The following IHO1 variants were observed in gnomAD, a reference collection of about 807,000 sequenced individuals.
IHO1 encodes interactor of HORMAD1 protein 1.
Under a neutral mutation model 31.0 loss-of-function variants are expected in IHO1, and 13 were observed. That is an observed-to-expected ratio of 0.42 (90% CI 0.27 to 0.67). The LOEUF is 0.67. Among genes scored for constraint, IHO1 ranks in the 30% least tolerant of loss-of-function variants. The pLI, the probability that IHO1 is intolerant of heterozygous loss-of-function variation, is 0.24. For missense variants in IHO1, 599 were observed against 687.5 expected (o/e 0.87, Z 1.44); for synonymous variants, 221 against 248.4 (o/e 0.89, Z 1.04).
intron 2 of IHO1, among the ~76,000 whole-genome samples, chr3:49,220,820 A>G (rs1010974807): frequency 6.6e-6 from 1 of 152,212 alleles, no homozygotes; most frequent in Non-Finnish European, 1.5e-5. Flanking sequence ...GTGAGCTGAG[A>G]TAGCGCCACT....
At chr3:49,246,179 C>CAAAA (rs71278650) in intron 6 of IHO1, among the ~76,000 whole-genome samples, 2 of 47,770 alleles carry the variant, frequency 4.2e-5, no homozygotes, top group African/African-American at 7.2e-5. Context: ...GAGACTCCGT[C>CAAAA]AAAAAAAAAA....
rs753234943 is a variant in IHO1, at chr3:49,241,289, G to A, written c.295G>A (p.Asp99Asn). The A allele has an allele frequency of 7.4e-6, 12 of 1,613,814 alleles. No individual in the cohort carries two copies. The highest frequency in any genetic ancestry group is 1.0e-5 in the Non-Finnish European group (12 of 1,179,808). Residue 99 changes from aspartate (D) to asparagine (N), a missense_variant, in exon 4 of 8, where the codon GAT becomes AAT. Coordinates refer to ENST00000452691, the MANE Select transcript of IHO1 (RefSeq NM_001135197.2). ...KPQLFGGDIK[D>N]GGLFPPPLSV... is the part of the protein sequence containing the mutation. ...CCAGCTGTTCGGAGGAGATATAAAA[G>A]ATGGAGGTTTATTTCCTCCTCCTTT...
chr3:49,231,857 A>G (rs547126808), intron 2 of IHO1, among the ~76,000 whole-genome samples: 12 of 152,394 alleles, frequency 7.9e-5, no homozygotes, highest in Admixed American at 5.9e-4. Flanking sequence ...AGCTAAAGCT[A>G]TCATCCAGCG....
At chr3:49,213,588 G>A (rs930156227) in intron 2 of IHO1, among the ~76,000 whole-genome samples, 1 of 152,242 alleles carries the variant, frequency 6.6e-6, no homozygotes. Context: ...CGGAGCAGGG[G>A]GCAGTGCTAG....
intron 2 of IHO1, among the ~76,000 whole-genome samples, chr3:49,224,084 T>C (rs571877549): frequency 1.3e-5 from 2 of 152,326 alleles, no homozygotes; most frequent in African/African-American, 4.8e-5. Flanking sequence ...ATGAAAAGTT[T>C]GGTGGAGCGT....
chr3:49,249,720 C>T (rs1028511381), intron 6 of IHO1, among the ~76,000 whole-genome samples: 6 of 152,214 alleles, frequency 3.9e-5, no homozygotes, highest in East Asian at 1.9e-4. Flanking sequence ...GTGCTCTTCG[C>T]GTGCTCCAGG....
chr3:49,230,342 G>A (rs909488052), intron 2 of IHO1, among the ~76,000 whole-genome samples: 6 of 152,124 alleles, frequency 3.9e-5, no homozygotes, highest in African/African-American at 9.7e-5. Context: ...CTATGATTCC[G>A]AAAAACTGGC....
Position 49,250,798 on chromosome 3 carries a change from G to A in IHO1, c.533-4592G>A, listed in dbSNP as rs552979887. Among the ~76,000 whole-genome samples the A allele has an allele frequency of 3.9e-5, 6 of 152,208 alleles. No individual in the cohort carries two copies. In the South Asian group the frequency reaches 8.3e-4, roughly 21 times the overall value. ...TGTAATCCCAGCACTTTGGGAGGCC[G>A]AGGCGGGCAGATCACAAGATCAGAA... On this transcript the variant is annotated intron_variant, in intron 6 of 7. Transcript: ENST00000452691.
chr3:49,251,442 T>C (rs1449810451), intron 6 of IHO1, among the ~76,000 whole-genome samples: 23 of 130,932 alleles, frequency 1.8e-4, no homozygotes, highest in Middle Eastern at 5.6e-3. Flanking sequence ...TGCATCACCA[T>C]GCCCAGCTAA....
chr3:49,204,479 T>C (rs958046630), intron 1 of IHO1, among the ~76,000 whole-genome samples: 1 of 152,122 alleles, frequency 6.6e-6, no homozygotes. Context: ...TGATTACTAG[T>C]TATGTGAAGG....
At chr3:49,211,153 A>G (rs1575566609) in intron 1 of IHO1, among the ~76,000 whole-genome samples, 1 of 149,722 alleles carries the variant, frequency 6.7e-6, no homozygotes, top group Admixed American at 6.7e-5. Context: ...GACTACAGGC[A>G]CCCACCACCA....
chr3:49,192,492 TA>T, the IHO1 span, among the ~76,000 whole-genome samples: 1 of 152,090 alleles, frequency 6.6e-6, no homozygotes, highest in African/African-American at 2.4e-5. Flanking sequence ...CATGTGCCAG[TA>T]AAACACCCAA....
chr3:49,252,708 A>G (rs1385646744), intron 6 of IHO1, among the ~76,000 whole-genome samples: 1 of 152,112 alleles, frequency 6.6e-6, no homozygotes, highest in African/African-American at 2.4e-5. Context: ...TATAGGTGTG[A>G]GCCACTGTGC....
At chr3:49,233,301 CAT>C (rs1243341916) in intron 2 of IHO1, among the ~76,000 whole-genome samples, 3 of 152,138 alleles carry the variant, frequency 2.0e-5, no homozygotes, top group African/African-American at 7.2e-5. Flanking sequence ...AGGAGCTAAA[CAT>C]AAGGATTTGT....
intron 1 of IHO1, among the ~76,000 whole-genome samples, chr3:49,201,344 A>G (rs889552877): frequency 6.6e-6 from 1 of 151,724 alleles, no homozygotes; most frequent in East Asian, 2.0e-4. Context: ...GCGGTGGCTC[A>G]TGCCTATAAT....
Position 49,236,581 on chromosome 3 carries a change from A to G in IHO1, c.90A>G (p.Gln30=). The G allele has an allele frequency of 2.5e-6, 4 of 1,611,292 alleles. No individual in the cohort carries two copies. Among genetic ancestry groups the G allele is most frequent in the Non-Finnish European group, 3.4e-6 (4 of 1,178,522 alleles). The change falls in exon 3 of 8, where the codon CAA becomes CAG. Residue 30 remains glutamine (Q), a synonymous_variant. Transcript: ENST00000452691. ...AGTCATCCAACTGGAATAATAATCA[A>G]AATGATTATTCCAGTCTCAGTGATT... ...NKKSSNWNNN[Q]NDYSSLSDSQ...
intron 2 of IHO1, among the ~76,000 whole-genome samples, chr3:49,223,518 C>T (rs983846636): frequency 4.6e-5 from 7 of 152,012 alleles, no homozygotes; most frequent in Middle Eastern, 3.2e-3. Flanking sequence ...GGTGAAACCC[C>T]GTCTCTACTA....
chr3:49,200,581 G>A (rs777224299), intron 1 of IHO1: 8 of 984,818 alleles, frequency 8.1e-6, no homozygotes, highest in Admixed American at 1.2e-4. Flanking sequence ...CATGCCAATC[G>A]GGGCGGTCCT....
chr3:49,221,064 G>A (rs939036459), intron 2 of IHO1, among the ~76,000 whole-genome samples: 4 of 152,062 alleles, frequency 2.6e-5, no homozygotes, highest in African/African-American at 4.8e-5. Context: ...ATTTTACAGA[G>A]TGCTGATTGG....
Sources: allele counts gnomAD v4.1 joint callset (sites outside exome capture counted in the v4.1 genomes callset), GRCh38; gene constraint gnomAD v4.1.1; transcripts MANE v1.5; gene names NCBI Gene and HGNC (gene_info 2026-07-23, HGNC 2026-07-21).